Variants in AEBP1 observed in about 807,000 individuals in gnomAD.
The protein encoded by AEBP1 is adipocyte enhancer-binding protein 1.
AEBP1 carries 69 observed loss-of-function variants against 116.5 expected under a neutral mutation model. The observed-to-expected ratio is 0.59, with a 90% CI of 0.49 to 0.72. AEBP1 has a LOEUF of 0.72. AEBP1 is among the 30% of genes least tolerant of loss of function. AEBP1 has a pLI of 0.00. For synonymous variants in AEBP1, 627 were observed against 627.3 expected (o/e 1.00, Z 0.01); for missense variants, 1,444 against 1,557.5 (o/e 0.93, Z 1.23).
At position 44,112,969 on chromosome 7, in the gene AEBP1, G is replaced by A; in HGVS notation, c.2570-22G>A. The A allele has an allele frequency of 6.2e-7, 1 of 1,613,628 alleles. No individual in the cohort carries two copies. Among genetic ancestry groups the A allele is most frequent in the Admixed American group, 1.7e-5 (1 of 60,004 alleles). Reference sequence around the variant, plus strand: ...TGGTCCGGAGAGGGGCTGACTTTGGGTCTGTATCTGTCCCCGGCCAGCTAT... The same window carrying A: ...TGGTCCGGAGAGGGGCTGACTTTGGATCTGTATCTGTCCCCGGCCAGCTAT... On this transcript the variant is annotated intron_variant, in intron 18 of 20. Coordinates refer to ENST00000223357, the MANE Select transcript of AEBP1 (RefSeq NM_001129.5). The surrounding 1 kb of genome is among the most constrained non-coding windows in gnomAD (Gnocchi z 6.6).
Position 44,113,449 on chromosome 7 carries a change from AG to A in AEBP1, c.2809+99del. 7.4e-7 allele frequency: 1 copy of A among 1,350,340 alleles called. No homozygotes were observed. Among genetic ancestry groups the A allele is most frequent in the Non-Finnish European group, 9.9e-7 (1 of 1,006,128 alleles). The allele number at this position is 1,350,340 out of a possible 1,614,324, so 83.6% of individuals were successfully genotyped here. A position where few individuals can be genotyped will look rare whatever the true frequency, so the allele number is the denominator to read the frequency against. On this transcript the variant is annotated intron_variant, in intron 20 of 20. Transcript: ENST00000223357. The surrounding 1 kb of genome is among the most constrained non-coding windows in gnomAD (Gnocchi z 5.3). ...CTCAGCGAGCAGGTAGAGTCTGGGG[AG>A]CCTGGGGGCGAAATTCAGAGAGGGA...
rs960789947 is a variant in AEBP1, at chr7:44,109,585, C to T, written c.1150+244C>T. On this transcript the variant is annotated intron_variant, in intron 9 of 20. Coordinates refer to ENST00000223357, the MANE Select transcript of AEBP1 (RefSeq NM_001129.5). ...CTCCCCAGGGCCCCTAGTGGCTGGGCGTGGTAGGGGGAGGACCTGGGGCCT... is the reference window on the plus strand; with the variant it reads ...CTCCCCAGGGCCCCTAGTGGCTGGGTGTGGTAGGGGGAGGACCTGGGGCCT... The T allele has an allele frequency of 2.8e-4, 163 of 589,650 alleles. No individual in the cohort carries two copies. The Middle Eastern group carries it at 3.1e-3, about 11-fold the overall frequency. 36.5% of individuals were successfully genotyped at this position (589,650 alleles called of 1,614,324 possible).
At position 44,108,636 on chromosome 7, in the gene AEBP1, C is replaced by T. The variant is rs2096225554; in HGVS notation, c.941-263C>T. Among the ~76,000 whole-genome samples the T allele has an allele frequency of 6.6e-6, 1 of 152,206 alleles. No individual in the cohort carries two copies. The highest frequency in any genetic ancestry group is 1.5e-5 in the Non-Finnish European group (1 of 68,028). ...GTGCCAGTTGTCCCTCCAGGCCTTT[C>T]CCATGCCCTGGGCCTCGAGTCCTTT... On this transcript the variant is annotated intron_variant, in intron 6 of 20. Coordinates refer to ENST00000223357, the MANE Select transcript of AEBP1 (RefSeq NM_001129.5). The surrounding 1 kb of genome is among the most constrained non-coding windows in gnomAD (Gnocchi z 5.0).
Position 44,111,423 on chromosome 7 carries a change from A to G in AEBP1, c.1717-84A>G. 1.3e-6 allele frequency: 2 copies of G among 1,492,510 alleles called. No homozygotes were observed. Among genetic ancestry groups the G allele is most frequent in the Non-Finnish European group, 1.8e-6 (2 of 1,119,370 alleles). 92.5% of individuals were successfully genotyped at this position (1,492,510 alleles called of 1,614,324 possible). A position where few individuals can be genotyped will look rare whatever the true frequency, so the allele number is the denominator to read the frequency against. ...AGGGGTCATGCCCGTCCCTCGCCAT[A>G]GAGCAGGCCCTGGAAGTGGAAGGGG... On this transcript the variant is annotated intron_variant, in intron 14 of 20. Coordinates refer to ENST00000223357, the MANE Select transcript of AEBP1 (RefSeq NM_001129.5). This position sits in a 1 kb window ranked among gnomAD's most constrained non-coding sequence, Gnocchi z 4.7.
In AEBP1 at chr7:44,113,329, C is replaced by A. The variant is rs749048430; in HGVS notation, c.2787C>A (p.Gly929=). The change falls in exon 20 of 21, where the codon GGC becomes GGA. Residue 929 remains glycine (G), a synonymous_variant. Transcript: ENST00000223357. The surrounding 1 kb of genome is among the most constrained non-coding windows in gnomAD (Gnocchi z 5.3). ...PIANATISVS[G]INHGVKTASG... is the part of the protein sequence containing the mutation. The stretch of plus-strand genomic sequence containing the variant: ...CCAACGCCACCATCTCTGTGAGTGG[C>A]ATTAATCACGGCGTGAAGACAGGTA... 6.2e-7 allele frequency: 1 copy of A among 1,613,020 alleles called. No homozygotes were observed. The highest frequency in any genetic ancestry group is 2.2e-5 in the East Asian group (1 of 44,822).
Position 44,104,600 on chromosome 7 carries a change from T to C in AEBP1, c.-66T>C. 8.6e-7 allele frequency: 1 copy of C among 1,168,948 alleles called. No homozygotes were observed. Among genetic ancestry groups the C allele is most frequent in the Non-Finnish European group, 1.1e-6 (1 of 882,086 alleles). The allele number at this position is 1,168,948 out of a possible 1,614,324, so 72.4% of individuals were successfully genotyped here. A position where few individuals can be genotyped will look rare whatever the true frequency, so the allele number is the denominator to read the frequency against. On this transcript the variant is annotated 5_prime_UTR_variant, in exon 1 of 21. Transcript: ENST00000223357. Reference sequence around the variant, plus strand: ...CCCGTCTCGATCCCCTCTCCGCCCTTTCCCAGAGACCCAGAGCCCCTGACC... The same window carrying C: ...CCCGTCTCGATCCCCTCTCCGCCCTCTCCCAGAGACCCAGAGCCCCTGACC...
chr7:44,106,401 G>A (rs2096222931), intron 1 of AEBP1, 145 bp from the exon 2 acceptor site: 1 of 968,572 alleles, frequency 1.0e-6, no homozygotes, highest in Non-Finnish European at 1.6e-6. Context: ...TGCCACTTGG[G>A]CAAATGACTT....
In AEBP1 at chr7:44,111,975, C is replaced by T; in HGVS notation, c.1962C>T (p.Arg654=). 6.2e-7 allele frequency: 1 copy of T among 1,613,768 alleles called. No individual in the cohort carries two copies. The highest frequency in any genetic ancestry group is 8.5e-7 in the Non-Finnish European group (1 of 1,179,948). ...REYRDGNPRV[R]SLVQDTRIHL... ...ACCGCGATGGGAACCCACGTGTGCGCAGCCTGGTGCAGGACACACGCATCC... is the reference window on the plus strand; with the variant it reads ...ACCGCGATGGGAACCCACGTGTGCGTAGCCTGGTGCAGGACACACGCATCC... Residue 654 remains arginine, a synonymous_variant, in exon 16 of 21, where the codon CGC becomes CGT. Coordinates refer to ENST00000223357, the MANE Select transcript of AEBP1 (RefSeq NM_001129.5). The surrounding 1 kb of genome is among the most constrained non-coding windows in gnomAD (Gnocchi z 4.7).
At chr7:44,109,682 T>C (rs977517336) in intron 9 of AEBP1, 10 of 565,864 alleles carry the variant, frequency 1.8e-5, no homozygotes, top group Admixed American at 6.4e-5. Flanking sequence ...GGTCCCCATC[T>C]GGATGACATC....
Position 44,109,272 on chromosome 7 carries a change from C to T in AEBP1, c.1097-16C>T, listed in dbSNP as rs770300843. On this transcript the variant is annotated splice_polypyrimidine_tract_variant and intron_variant, in intron 8 of 20. Transcript: ENST00000223357. ...CCCGGGCCCTTGGTGCCATGTCCTC[C>T]CTTCATTGTCCCTAGAGCCCCGAAA... 6.2e-7 allele frequency: 1 copy of T among 1,611,170 alleles called. No individual in the cohort carries two copies. Among genetic ancestry groups the T allele is most frequent in the Non-Finnish European group, 8.5e-7 (1 of 1,178,836 alleles).
rs886862831 is a variant in AEBP1 at position 44,106,754 on chromosome 7, A to G, written c.462A>G (p.Lys154=). The G allele has an allele frequency of 4.3e-6, 7 of 1,610,226 alleles. No individual in the cohort carries two copies. In the Admixed American group the frequency reaches 8.4e-5, roughly 19 times the overall value. Residue 154 remains lysine (K), a synonymous_variant, in exon 2 of 21, where the codon AAA becomes AAG. Coordinates refer to ENST00000223357, the MANE Select transcript of AEBP1 (RefSeq NM_001129.5). ...CACCCAAGGCCACCAAGAAGCCCAA[A>G]GAGAAGCCACCCAAGGCCACCAAGA... ...EKPPKATKKP[K]EKPPKATKKP... is the part of the protein sequence containing the mutation.
At position 44,104,837 on chromosome 7, in the gene AEBP1, C is replaced by T. The variant is rs780694276; in HGVS notation, c.172C>T (p.Pro58Ser). The T allele has an allele frequency of 2.5e-6, 4 of 1,590,676 alleles. No homozygotes were observed. The highest frequency in any genetic ancestry group is 1.7e-4 in the Middle Eastern group (1 of 6,030). Reference sequence around the variant, plus strand: ...CCGGGAGGACGACGTGGAGGCCCCGCCGCCTCCCGAGCCCACCCCGCGGGT... The same window carrying T: ...CCGGGAGGACGACGTGGAGGCCCCGTCGCCTCCCGAGCCCACCCCGCGGGT... ...EPREDDVEAP[P>S]PPEPTPRVRK... The change falls in exon 1 of 21, where the codon CCG becomes TCG. Residue 58 changes from proline to serine, a missense_variant. Pro to Ser is a moderately conservative substitution (Grantham distance 74). Transcript: ENST00000223357.
rs148876034 is a variant in AEBP1, at chr7:44,113,640, C to T, written c.2856C>T (p.Arg952=). 16 of 1,613,430 alleles carry T rather than the reference C, an allele frequency of 9.9e-6. No homozygotes were observed. Among genetic ancestry groups the T allele is most frequent in the Non-Finnish European group, 1.2e-5 (14 of 1,179,932 alleles). ...YWRILNPGEY[R]VTAHAEGYTP... ...GAATCTTGAACCCGGGTGAGTACCG[C>T]GTGACAGCCCACGCGGAGGGCTACA... is the stretch of plus-strand genomic sequence containing the variant. The change falls in exon 21 of 21, where the codon CGC becomes CGT. Residue 952 remains arginine (R), a synonymous_variant. Coordinates refer to ENST00000223357, the MANE Select transcript of AEBP1 (RefSeq NM_001129.5). The surrounding 1 kb of genome is among the most constrained non-coding windows in gnomAD (Gnocchi z 5.3).
At position 44,110,217 on chromosome 7, in the gene AEBP1, C is replaced by T. The variant is rs750910635; in HGVS notation, c.1271C>T (p.Thr424Ile). The change falls in exon 11 of 21, where the codon ACT (threonine) becomes ATT (isoleucine). Residue 424 changes from threonine (T) to isoleucine (I), a missense_variant. Physicochemically the swap from Thr to Ile is moderately conservative, Grantham distance 89. Coordinates refer to ENST00000223357, the MANE Select transcript of AEBP1 (RefSeq NM_001129.5). ...RGRLNMQTGATEDDYYDGAWC... is the reference protein window; with the variant it reads ...RGRLNMQTGAIEDDYYDGAWC... ...CTGCCCCCTGGACAGACCGGTGCCA[C>T]TGAGGACGACTACTATGATGGTGCG... 9 of 1,613,570 alleles carry T rather than the reference C, an allele frequency of 5.6e-6. 1 individual carries two copies. Among genetic ancestry groups the T allele is most frequent in the Admixed American group, 5.0e-5 (3 of 60,006 alleles).
At position 44,106,560 on chromosome 7, in the gene AEBP1, A is replaced by T; in HGVS notation, c.268A>T (p.Thr90Ser). Residue 90 changes from threonine (T) to serine (S), a missense_variant, in exon 2 of 21, where the codon ACC becomes TCC. By Grantham distance (58) the Thr-to-Ser change is moderately conservative. Transcript: ENST00000223357. ...GTAAEVPPEK[T>S]KDKGKKGKKD... is the part of the protein sequence containing the mutation. ...ATCTTGGACAGTGCCTCCGGAAAAGACCAAAGACAAAGGGAAGAAAGGCAA... is the reference window on the plus strand; with the variant it reads ...ATCTTGGACAGTGCCTCCGGAAAAGTCCAAAGACAAAGGGAAGAAAGGCAA... The T allele has an allele frequency of 6.2e-7, 1 of 1,601,474 alleles. No individual in the cohort carries two copies. Among genetic ancestry groups the T allele is most frequent in the Non-Finnish European group, 8.5e-7 (1 of 1,175,910 alleles).
chr7:44,110,220 A>C lies in AEBP1; in HGVS notation c.1274A>C (p.Glu425Ala). The C allele has an allele frequency of 1.2e-6, 2 of 1,613,672 alleles. No individual in the cohort carries two copies. The highest frequency in any genetic ancestry group is 1.7e-6 in the Non-Finnish European group (2 of 1,179,998). Residue 425 changes from glutamate (E) to alanine (A), a missense_variant, in exon 11 of 21, where the codon GAG becomes GCG. Transcript: ENST00000223357. ...CCCCCTGGACAGACCGGTGCCACTGAGGACGACTACTATGATGGTGCGTGG... is the reference window on the plus strand; with the variant it reads ...CCCCCTGGACAGACCGGTGCCACTGCGGACGACTACTATGATGGTGCGTGG... ...GRLNMQTGATEDDYYDGAWCA... is the reference protein window; with the variant it reads ...GRLNMQTGATADDYYDGAWCA...
rs763140394 is a variant in AEBP1 at position 44,113,094 on chromosome 7, GAAC to G, written c.2679_2681del (p.Asn893del). 48 of 1,613,970 alleles carry G rather than the reference GAAC, an allele frequency of 3.0e-5. No homozygotes were observed. Among genetic ancestry groups the G allele is most frequent in the Non-Finnish European group, 3.8e-5 (45 of 1,180,018 alleles). On this transcript the variant is annotated inframe_deletion, in exon 19 of 21. Transcript: ENST00000223357. This position sits in a 1 kb window ranked among gnomAD's most constrained non-coding sequence, Gnocchi z 5.3. ...AGAGTGAGCTGCCCCGCGAGTGGGA[GAAC>G]AACAAGGAGGCGCTGCTCACCTTCA... is the stretch of plus-strand genomic sequence containing the variant.
rs1003722854 is a variant in AEBP1, at chr7:44,108,404, G to A, written c.940+320G>A. Among the ~76,000 whole-genome samples, 3 of 152,064 alleles carry A rather than the reference G, an allele frequency of 2.0e-5. No individual in the cohort carries two copies. Among genetic ancestry groups the A allele is most frequent in the Admixed American group, 6.5e-5 (1 of 15,274 alleles). ...AGTCCTGTGCTCTAACTGGCTTCCC[G>A]CTGGCTCGTGGCCACTGCCCCACTC... On this transcript the variant is annotated intron_variant, in intron 6 of 20. Transcript: ENST00000223357. The surrounding 1 kb of genome is among the most constrained non-coding windows in gnomAD (Gnocchi z 5.0).
rs1292766784 is a variant in AEBP1, at chr7:44,104,825, G to A, written c.160G>A (p.Val54Met). 1 of 1,600,168 alleles carries A rather than the reference G, an allele frequency of 6.2e-7. No individual in the cohort carries two copies. The highest frequency in any genetic ancestry group is 1.7e-5 in the Admixed American group (1 of 58,466). ...AGAACCTGAGCCCCGGGAGGACGAC[G>A]TGGAGGCCCCGCCGCCTCCCGAGCC... ...ELEPEPREDDVEAPPPPEPTP... is the reference protein window; with the variant it reads ...ELEPEPREDDMEAPPPPEPTP... Residue 54 changes from valine to methionine, a missense_variant, in exon 1 of 21, where the codon GTG (valine) becomes ATG (methionine). Transcript: ENST00000223357.
Sources: gnomAD v4.1 joint callset for allele counts (sites outside exome capture counted in the v4.1 genomes callset) on GRCh38, gnomAD v4.1.1 for gene constraint, Gnocchi (gnomAD v3.1) non-coding constraint, MANE v1.5 for transcripts, NCBI Gene and HGNC (gene_info 2026-07-23, HGNC 2026-07-21) for gene names.